SLC1A1: variants seen among roughly 807,000 people sequenced by gnomAD.
SLC1A1 encodes solute carrier family 1 member 1.
Under a neutral mutation model 53.3 loss-of-function variants are expected in SLC1A1, and 43 were observed. The observed-to-expected ratio is 0.81, with a 90% confidence interval of 0.63 to 1.04. SLC1A1 has a LOEUF of 1.04. Ranked by LOEUF, SLC1A1 falls within the 50% of genes least tolerant of loss-of-function variation. SLC1A1 has a pLI of 0.00. For missense variants in SLC1A1, 748 were observed against 664.9 expected (o/e 1.12, Z -1.37); for synonymous variants, 307 against 243.2 (o/e 1.26, Z -2.44).
At chr9:4,506,315 A>T (rs932224755) in intron 1 of SLC1A1, among the ~76,000 whole-genome samples, 1 of 152,200 alleles carries the variant, frequency 6.6e-6, no homozygotes, top group Non-Finnish European at 1.5e-5. Flanking sequence ...TTTAAAGTAC[A>T]TTTGCACATT....
intron 1 of SLC1A1, among the ~76,000 whole-genome samples, chr9:4,525,826 C>T (rs915803796): frequency 6.6e-6 from 1 of 151,928 alleles, no homozygotes; most frequent in African/African-American, 2.4e-5. Context: ...TAAAAACCCT[C>T]CAAGGACCCA....
intron 1 of SLC1A1, among the ~76,000 whole-genome samples, chr9:4,515,417 T>C (rs1463350219): frequency 3.9e-5 from 6 of 152,168 alleles, no homozygotes; most frequent in African/African-American, 1.4e-4. Context: ...TACGTTTATT[T>C]TTCCTTTGTT....
intron 1 of SLC1A1, among the ~76,000 whole-genome samples, chr9:4,531,376 A>G (rs900556421): frequency 7.9e-5 from 12 of 152,164 alleles, no homozygotes; most frequent in African/African-American, 2.7e-4. Flanking sequence ...CACTTTTCCA[A>G]CGGTCTTAGC....
At chr9:4,497,501 G>T (rs556119378) in intron 1 of SLC1A1, among the ~76,000 whole-genome samples, 1 of 152,216 alleles carries the variant, frequency 6.6e-6, no homozygotes, top group Non-Finnish European at 1.5e-5. Context: ...TTGTTGAATT[G>T]CTGAGCCATT....
intron 6 of SLC1A1, among the ~76,000 whole-genome samples, chr9:4,568,271 A>T (rs1389040044): frequency 1.1e-4 from 17 of 152,030 alleles, no homozygotes. Context: ...AATGAAAAAT[A>T]GCCGGGTGTG....
At position 4,564,456 on chromosome 9, in the gene SLC1A1, C is replaced by T. The variant is rs370425983; in HGVS notation, c.438C>T (p.Ile146=). 5.6e-6 allele frequency: 9 copies of T among 1,600,316 alleles called. No homozygotes were observed. The highest frequency in any genetic ancestry group is 7.7e-6 in the Non-Finnish European group (9 of 1,168,496). Residue 146 remains isoleucine (I), a splice_region_variant and synonymous_variant, in exon 4 of 12, where the codon ATC becomes ATT. Coordinates refer to ENST00000262352, the MANE Select transcript of SLC1A1 (RefSeq NM_004170.6). ...CGGTGGATGCCATGTTAGATCTCAT[C>T]AGGTGAGTGTTTTGCCACAAGGTGG... ...VSTVDAMLDL[I]RNMFPENLVQ...
chr9:4,544,389 T>C (rs1168828286), intron 1 of SLC1A1, among the ~76,000 whole-genome samples, 178 bp from the exon 2 acceptor site: 1 of 152,254 alleles, frequency 6.6e-6, no homozygotes, highest in East Asian at 1.9e-4. Context: ...ATGTGTACTT[T>C]CTGTTCACTG....
chr9:4,564,497 G>C lies in SLC1A1; in HGVS notation c.440+39G>C, dbSNP rs754235009. On this transcript the variant is annotated intron_variant, in intron 4 of 11. Transcript: ENST00000262352. ...CACAAGGTGGCTTCAAGGGCATGCGGATAGCAGCACAAGGCCTTGTATGTG... is the reference window on the plus strand; with the variant it reads ...CACAAGGTGGCTTCAAGGGCATGCGCATAGCAGCACAAGGCCTTGTATGTG... 4.2e-6 allele frequency: 5 copies of C among 1,189,184 alleles called. No individual in the cohort carries two copies. In the African/African-American group the frequency reaches 7.4e-5, roughly 18 times the overall value. The allele number at this position is 1,189,184 out of a possible 1,614,324, so 73.7% of individuals were successfully genotyped here. A position where few individuals can be genotyped will look rare whatever the true frequency, so the allele number is the denominator to read the frequency against.
chr9:4,492,949 G>A (rs1402636396), intron 1 of SLC1A1, among the ~76,000 whole-genome samples: 3 of 152,174 alleles, frequency 2.0e-5, no homozygotes, highest in Non-Finnish European at 4.4e-5. Context: ...TCGTCAGCAT[G>A]CGATTCACTG....
intron 1 of SLC1A1, among the ~76,000 whole-genome samples, chr9:4,519,171 A>T (rs1815976386): frequency 6.6e-6 from 1 of 152,218 alleles, no homozygotes; most frequent in Admixed American, 6.5e-5. Flanking sequence ...TCAATCCTCC[A>T]CTGGGAGTGT....
intron 1 of SLC1A1, among the ~76,000 whole-genome samples, chr9:4,494,448 A>G (rs1820343748): frequency 1.3e-5 from 2 of 152,120 alleles, no homozygotes; most frequent in South Asian, 4.1e-4. Flanking sequence ...AAATTCTCTC[A>G]TAGTATGTCT....
intron 2 of SLC1A1, among the ~76,000 whole-genome samples, chr9:4,561,051 T>C (rs1818891948): frequency 6.7e-6 from 1 of 149,822 alleles, no homozygotes; most frequent in Admixed American, 6.6e-5. Context: ...TTCTTTGAGA[T>C]AAATTTTTCC....
At chr9:4,574,513 G>C (rs148815560) in intron 8 of SLC1A1, among the ~76,000 whole-genome samples, 1,662 of 152,298 alleles carry the variant, frequency 0.011, 22 homozygotes, top group Non-Finnish European at 0.017. Context: ...CAGCATCAGA[G>C]TGTCAGAGAG....
At chr9:4,502,389 G>GAAAAAAAA (rs775499017) in intron 1 of SLC1A1, among the ~76,000 whole-genome samples, 13 of 56,486 alleles carry the variant, frequency 2.3e-4, no homozygotes, top group Admixed American at 9.3e-4. Context: ...CCTGTCTCCA[G>GAAAAAAAA]AAAAAAAAAA....
chr9:4,495,014 A>T (rs1820363938), intron 1 of SLC1A1, among the ~76,000 whole-genome samples: 1 of 152,186 alleles, frequency 6.6e-6, no homozygotes, highest in African/African-American at 2.4e-5. Context: ...TAAGGAAGCA[A>T]TCATGCATAG....
Position 4,576,289 on chromosome 9 carries a change from A to G in SLC1A1, c.998+166A>G, listed in dbSNP as rs572397750. ...TGAACACATTGCTTCATGCTGTTGC[A>G]TATTTCCTGCTCTCTTGGCATGACC... On this transcript the variant is annotated intron_variant, in intron 9 of 11. Transcript: ENST00000262352. 1.3e-4 allele frequency among the ~76,000 whole-genome samples: 20 copies of G among 152,328 alleles called. No homozygotes were observed. In the East Asian group the frequency reaches 1.7e-3, roughly 13 times the overall value.
chr9:4,582,886 G>C lies in SLC1A1; in HGVS notation c.1194-152G>C, dbSNP rs1564069365. The C allele has an allele frequency of 5.1e-6, 5 of 978,642 alleles. No homozygotes were observed. The South Asian group carries it at 5.2e-5, about 10-fold the overall frequency. The allele number at this position is 978,642 out of a possible 1,614,324, so 60.6% of individuals were successfully genotyped here. The stretch of plus-strand genomic sequence containing the variant: ...AGCTCTAATCCTGTAATGAGGCAGA[G>C]CTGGGGCTCAGCAAGTCACAGATTC... On this transcript the variant is annotated intron_variant, in intron 10 of 11. Coordinates refer to ENST00000262352, the MANE Select transcript of SLC1A1 (RefSeq NM_004170.6).
intron 1 of SLC1A1, among the ~76,000 whole-genome samples, chr9:4,523,027 A>T (rs1330053660): frequency 6.6e-6 from 1 of 152,150 alleles, no homozygotes; most frequent in Non-Finnish European, 1.5e-5. Flanking sequence ...ATTCCATAAA[A>T]ATCCTGAGAT....
In SLC1A1 at chr9:4,559,504, A is replaced by C. The variant is rs188645758; in HGVS notation, c.233-1945A>C. 3.4e-3 allele frequency among the ~76,000 whole-genome samples: 514 copies of C among 152,274 alleles called. 3 individuals are homozygous for C. The highest frequency in any genetic ancestry group is 0.012 in the African/African-American group (496 of 41,564). ...TTGCAGATTTTCTTCCTGTACATCA[A>C]ATATGTATGATTATATATGAGAAGC... is the stretch of plus-strand genomic sequence containing the variant. On this transcript the variant is annotated intron_variant, in intron 2 of 11. Transcript: ENST00000262352.
Sources: gnomAD v4.1 joint callset for allele counts (sites outside exome capture counted in the v4.1 genomes callset) on GRCh38, gnomAD v4.1.1 for gene constraint, MANE v1.5 for transcripts, NCBI Gene and HGNC (gene_info 2026-07-23, HGNC 2026-07-21) for gene names.